Variants in CWC22 observed in about 807,000 individuals in gnomAD.
CWC22 encodes CWC22 spliceosome associated protein, also known as pre-mRNA-splicing factor CWC22 homolog.
In CWC22, 53 loss-of-function variants were observed where a neutral mutation model predicts 117.2. The observed-to-expected ratio is 0.45, with a 90% CI of 0.36 to 0.57. CWC22 has a LOEUF of 0.57. CWC22 is among the 20% of genes least tolerant of loss of function. CWC22 has a pLI of 0.00. For missense variants in CWC22, 980 were observed against 1,068.8 expected (o/e 0.92, Z 1.16); for synonymous variants, 360 against 355.6 (o/e 1.01, Z -0.14).
chr2:179,945,249 A>G lies in CWC22; in HGVS notation c.2607T>C (p.Asp869=). 6.2e-7 allele frequency: 1 copy of G among 1,613,576 alleles called. No homozygotes were observed. Among genetic ancestry groups the G allele is most frequent in the East Asian group, 2.2e-5 (1 of 44,848 alleles). The part of the protein sequence containing the change: ...RKHSGSRSDE[D]RYQNGAERRW... ...GTCTCTCGGCACCATTTTGATATCT[A>G]TCTTCATCACTTCTTGAGCCTGAGT... The change falls in exon 20 of 20, where the codon GAT becomes GAC. Residue 869 remains aspartate (D), a synonymous_variant. Coordinates refer to ENST00000410053, the MANE Select transcript of CWC22 (RefSeq NM_020943.3).
intron 1 of CWC22, among the ~76,000 whole-genome samples, chr2:180,004,910 C>T (rs1687934361): frequency 6.6e-6 from 1 of 151,474 alleles, no homozygotes; most frequent in South Asian, 2.1e-4. Context: ...GCAAGGAGGG[C>T]AGCAAACATG....
At chr2:179,959,400 G>A (rs1339128279) in intron 13 of CWC22, among the ~76,000 whole-genome samples, 1 of 152,132 alleles carries the variant, frequency 6.6e-6, no homozygotes, top group African/African-American at 2.4e-5. Flanking sequence ...AGTAGAAAGT[G>A]ACTGCTAATA....
intron 2 of CWC22, among the ~76,000 whole-genome samples, chr2:179,991,973 T>G (rs1353385459): frequency 1.3e-5 from 2 of 152,018 alleles, no homozygotes; most frequent in Non-Finnish European, 2.9e-5. Context: ...TTGACAGAGG[T>G]TGGAAAAGAT....
chr2:179,950,552 C>G lies in CWC22; in HGVS notation c.2100G>C (p.Glu700Asp), dbSNP rs374462893. ...GACTACTGATGGATGAAGAGTCGCT[C>G]TCTTCACTGGAAGACTCTGAACTGC... ...SDSSSESSSEESDSSSISSHS... is the reference protein window; with the variant it reads ...SDSSSESSSEDSDSSSISSHS... The change falls in exon 19 of 20, where the codon GAG (glutamate) becomes GAC (aspartate). Residue 700 changes from glutamate (E) to aspartate (D), a missense_variant. Physicochemically the swap from Glu to Asp is conservative, Grantham distance 45. Transcript: ENST00000410053. 576 of 1,612,906 alleles carry G rather than the reference C, an allele frequency of 3.6e-4. 1 individual carries two copies. Among genetic ancestry groups the G allele is most frequent in the Non-Finnish European group, 4.5e-4 (528 of 1,179,352 alleles).
intron 1 of CWC22, 140 bp from the exon 2 acceptor site, chr2:179,993,594 T>C (rs1478385593): frequency 4.3e-6 from 2 of 469,860 alleles, no homozygotes; most frequent in Non-Finnish European, 7.5e-6. Context: ...GTAAAAATCC[T>C]TAAGTAGTTA....
intron 19 of CWC22, among the ~76,000 whole-genome samples, chr2:179,948,750 G>C (rs1686372300): frequency 6.6e-6 from 1 of 152,188 alleles, no homozygotes; most frequent in South Asian, 2.1e-4. Context: ...AAGCTATTAA[G>C]AACAAGGAAA....
chr2:179,962,404 C>A lies in CWC22; in HGVS notation c.1397+2143G>T, dbSNP rs556670506. ...TAGCCTGGCATATAATAAACATAAA[C>A]CTCCCCTTAAGATAATCACTGTTGA... On this transcript the variant is annotated intron_variant, in intron 13 of 19. Coordinates refer to ENST00000410053, the MANE Select transcript of CWC22 (RefSeq NM_020943.3). Among the ~76,000 whole-genome samples the A allele has an allele frequency of 1.4e-4, 21 of 152,192 alleles. 1 individual carries two copies. Among genetic ancestry groups the A allele is most frequent in the African/African-American group, 4.8e-4 (20 of 41,538 alleles).
chr2:179,962,831 G>T (rs1686788840), intron 13 of CWC22, among the ~76,000 whole-genome samples: 2 of 151,914 alleles, frequency 1.3e-5, no homozygotes, highest in Admixed American at 1.3e-4. Context: ...AAGAAATGAT[G>T]AATGTTTAAA....
intron 6 of CWC22, among the ~76,000 whole-genome samples, chr2:179,974,361 G>A (rs1687104682): frequency 1.3e-5 from 2 of 152,286 alleles, no homozygotes; most frequent in South Asian, 2.1e-4. Flanking sequence ...TGCTAAAACA[G>A]TAACAGGAAA....
intron 1 of CWC22, among the ~76,000 whole-genome samples, chr2:180,003,108 TACAACAGCAGCGTTGTCTC>T (rs1350399197): frequency 1.3e-5 from 2 of 152,184 alleles, no homozygotes; most frequent in Non-Finnish European, 2.9e-5. Flanking sequence ...CATCAAGGAA[TACAACAGCAGCGTTGTCTC>T]ACCTATTAAC....
At chr2:179,992,365 T>A (rs1687588911) in intron 2 of CWC22, among the ~76,000 whole-genome samples, 1 of 152,208 alleles carries the variant, frequency 6.6e-6, no homozygotes, top group African/African-American at 2.4e-5. Flanking sequence ...TTCTGATACC[T>A]GCTCCACTCT....
chr2:179,984,677 G>C (rs1386183978), intron 4 of CWC22, among the ~76,000 whole-genome samples: 2 of 152,006 alleles, frequency 1.3e-5, no homozygotes, highest in African/African-American at 2.4e-5. Flanking sequence ...AGGGAATACA[G>C]GAAAATCAGG....
At chr2:179,951,326 C>T (rs1686443673) in intron 17 of CWC22, among the ~76,000 whole-genome samples, 1 of 151,848 alleles carries the variant, frequency 6.6e-6, no homozygotes, top group African/African-American at 2.4e-5. Flanking sequence ...CACACACATA[C>T]ATAGAACTGT....
intron 4 of CWC22, among the ~76,000 whole-genome samples, chr2:179,984,531 T>C (rs1355828853): frequency 1.3e-5 from 2 of 151,972 alleles, no homozygotes; most frequent in Non-Finnish European, 2.9e-5. Context: ...GCAGAGGAAT[T>C]TGGTCAAAAT....
At position 179,970,642 on chromosome 2, in the gene CWC22, G is replaced by A. The variant is rs374809354; in HGVS notation, c.1147+8C>T. On this transcript the variant is annotated splice_region_variant and intron_variant, in intron 10 of 19. Coordinates refer to ENST00000410053, the MANE Select transcript of CWC22 (RefSeq NM_020943.3). The stretch of plus-strand genomic sequence containing the variant: ...AGCCTCTTTCCAACTAACATGCCCC[G>A]GACTTACTAAGAACATCTTCTGGAT... 18 of 1,609,742 alleles carry A rather than the reference G, an allele frequency of 1.1e-5. No individual in the cohort carries two copies. The highest frequency in any genetic ancestry group is 2.2e-5 in the South Asian group (2 of 90,686).
intron 19 of CWC22, among the ~76,000 whole-genome samples, chr2:179,947,481 G>A (rs894174702): frequency 1.5e-4 from 23 of 152,256 alleles, no homozygotes; most frequent in Admixed American, 2.6e-4. Context: ...CTGCTTTTAT[G>A]CTATTTAGTA....
intron 8 of CWC22, among the ~76,000 whole-genome samples, chr2:179,972,199 T>G (rs1430821419): frequency 6.6e-6 from 1 of 152,128 alleles, no homozygotes; most frequent in African/African-American, 2.4e-5. Context: ...ATCAAAATAT[T>G]TAATATTAGT....
intron 1 of CWC22, among the ~76,000 whole-genome samples, chr2:180,001,420 G>T (rs551616536): frequency 2.8e-3 from 419 of 151,950 alleles, no homozygotes; most frequent in African/African-American, 8.6e-3. Context: ...CCACCACCCA[G>T]GTTCAAGTGA....
At position 179,945,165 on chromosome 2, in the gene CWC22, G is replaced by A; in HGVS notation, c.2691C>T (p.Asp897=). The change falls in exon 20 of 20, where the codon GAC becomes GAT. Residue 897 remains aspartate, a synonymous_variant. Transcript: ENST00000410053. ...EQSRESKKNQ[D]RRREKSPAKQ... ...TTGCTGGAGACTTTTCTCTTCGCCG[G>A]TCCTGATTTTTCTTTGATTCTCTGG... 1 of 1,605,074 alleles carries A rather than the reference G, an allele frequency of 6.2e-7. No homozygotes were observed. Among genetic ancestry groups the A allele is most frequent in the Non-Finnish European group, 8.5e-7 (1 of 1,177,750 alleles).
Sources: allele counts gnomAD v4.1 joint callset (sites outside exome capture counted in the v4.1 genomes callset), GRCh38; gene constraint gnomAD v4.1.1; transcripts MANE v1.5; gene names NCBI Gene and HGNC (gene_info 2026-07-23, HGNC 2026-07-21).